DCAF8L2: variants seen among roughly 807,000 people sequenced by gnomAD.
The protein encoded by DCAF8L2 is DDB1- and CUL4-associated factor 8-like protein 2.
For synonymous variants in DCAF8L2, 200 were observed against 190.9 expected, an observed-to-expected ratio of 1.05 and a Z score of -0.39; for missense variants, 430 against 490.7, an observed-to-expected ratio of 0.88 and a Z score of 1.17.
intron 3 of DCAF8L2, among the ~76,000 whole-genome samples, chrX:27,692,688 T>C (rs767087978): frequency 8.9e-6 from 1 of 112,080 alleles, no homozygotes; most frequent in African/African-American, 3.2e-5. Flanking sequence ...GAAAGTTGTT[T>C]ATCTACTTTG....
At chrX:27,654,577 C>T (rs981929755) in intron 2 of DCAF8L2, among the ~76,000 whole-genome samples, 18 of 111,806 alleles carry the variant, frequency 1.6e-4, no homozygotes, top group African/African-American at 4.5e-4. Flanking sequence ...GTTATTTCTT[C>T]GTGGAAACAA....
chrX:27,475,564 C>T, the DCAF8L2 span, among the ~76,000 whole-genome samples: 1 of 111,562 alleles, frequency 9.0e-6, no homozygotes. Context: ...ATTAGTGTGT[C>T]GCTTGAACAG....
chrX:27,489,253 G>A, the DCAF8L2 span, among the ~76,000 whole-genome samples: 2 of 110,835 alleles, frequency 1.8e-5, no homozygotes, highest in South Asian at 3.9e-4. Context: ...GCCCACCACC[G>A]TGCCTGGCTA....
chrX:27,591,748 G>A (rs1364680972), intron 1 of DCAF8L2, among the ~76,000 whole-genome samples: 2 of 111,817 alleles, frequency 1.8e-5, no homozygotes, highest in Non-Finnish European at 3.8e-5. Flanking sequence ...GTATCATACC[G>A]TAGTGATGCT....
At chrX:27,473,838 C>T in the DCAF8L2 span, among the ~76,000 whole-genome samples, 1 of 111,336 alleles carries the variant, frequency 9.0e-6, no homozygotes, top group African/African-American at 3.3e-5. Flanking sequence ...GCCTGCTTTT[C>T]ATTTTAATTC....
chrX:27,522,438 AT>A, the DCAF8L2 span, among the ~76,000 whole-genome samples: 1 of 111,873 alleles, frequency 8.9e-6, no homozygotes, highest in Non-Finnish European at 1.9e-5. Flanking sequence ...TATTGTTATA[AT>A]TTTTTTATTG....
chrX:27,481,411 G>T, the DCAF8L2 span, among the ~76,000 whole-genome samples: 1 of 110,848 alleles, frequency 9.0e-6, no homozygotes, highest in South Asian at 3.8e-4. Context: ...TTTAATTAAA[G>T]AATTTTCATC....
the DCAF8L2 span, chrX:27,519,662 A>G: frequency 1.1e-5 from 7 of 611,324 alleles, no homozygotes; most frequent in Admixed American, 9.0e-5. Flanking sequence ...GTAATGAACC[A>G]TAGAAGCGAG....
intron 2 of DCAF8L2, among the ~76,000 whole-genome samples, chrX:27,667,907 C>A (rs778232053): frequency 1.8e-5 from 2 of 111,944 alleles, no homozygotes; most frequent in Admixed American, 1.9e-4. Context: ...TGAATTTGAT[C>A]TCAAGTATAC....
At chrX:27,585,677 C>T (rs1368385292), upstream of DCAF8L2, among the ~76,000 whole-genome samples, 1 of 112,007 alleles carries the variant, frequency 8.9e-6, no homozygotes, top group East Asian at 2.8e-4. Context: ...TCCTTCTCTG[C>T]CAAATCTAGT....
chrX:27,482,486 C>G, the DCAF8L2 span, among the ~76,000 whole-genome samples: 1 of 111,252 alleles, frequency 9.0e-6, no homozygotes, highest in African/African-American at 3.3e-5. Flanking sequence ...CAAAACTCAC[C>G]TTTAAATTAT....
chrX:27,540,170 T>G, the DCAF8L2 span, among the ~76,000 whole-genome samples: 2 of 111,747 alleles, frequency 1.8e-5, no homozygotes, highest in Admixed American at 1.9e-4. Context: ...TGCTGCCTAG[T>G]TTTCTGCTGC....
intron 1 of DCAF8L2, among the ~76,000 whole-genome samples, chrX:27,606,466 G>T (rs1374240104): frequency 2.0e-5 from 2 of 98,600 alleles, no homozygotes; most frequent in Non-Finnish European, 4.0e-5. Context: ...CATCTCCCAG[G>T]TTGAAGCGAT....
intron 3 of DCAF8L2, among the ~76,000 whole-genome samples, chrX:27,679,178 G>T (rs1930241240): frequency 8.9e-6 from 1 of 111,780 alleles, no homozygotes; most frequent in African/African-American, 3.2e-5. Context: ...AAGATCAATA[G>T]TGTTTCATTG....
At chrX:27,597,609 C>T (rs950027745) in intron 1 of DCAF8L2, among the ~76,000 whole-genome samples, 5 of 111,772 alleles carry the variant, frequency 4.5e-5, no homozygotes, top group African/African-American at 1.6e-4. Context: ...TTTCTCCTCC[C>T]ATTTTCATAC....
the DCAF8L2 span, among the ~76,000 whole-genome samples, chrX:27,582,092 A>C: frequency 1.3e-4 from 14 of 111,110 alleles, no homozygotes; most frequent in Non-Finnish European, 2.6e-4. Flanking sequence ...TATTGAGGTC[A>C]CTATGTTTCA....
At chrX:27,531,717 G>A in the DCAF8L2 span, among the ~76,000 whole-genome samples, 5 of 111,224 alleles carry the variant, frequency 4.5e-5, no homozygotes, top group African/African-American at 1.6e-4. Flanking sequence ...AGTATTTGAG[G>A]GGCTACATCT....
chrX:27,687,520 C>T (rs1329263329), intron 3 of DCAF8L2, among the ~76,000 whole-genome samples: 1 of 111,429 alleles, frequency 9.0e-6, no homozygotes, highest in Non-Finnish European at 1.9e-5. Flanking sequence ...AAAATCCACA[C>T]GAATCTGGGA....
intron 2 of DCAF8L2, among the ~76,000 whole-genome samples, chrX:27,645,508 G>C (rs1437083084): frequency 8.9e-6 from 1 of 111,752 alleles, no homozygotes; most frequent in Non-Finnish European, 1.9e-5. Context: ...ACTGGCACAA[G>C]ACAAAGATGC....
Sources: gnomAD v4.1 joint callset for allele counts (sites outside exome capture counted in the v4.1 genomes callset) on GRCh38, gnomAD v4.1.1 for gene constraint, MANE v1.5 for transcripts, NCBI Gene and HGNC (gene_info 2026-07-23, HGNC 2026-07-21) for gene names.